The following CTNNA3 variants were observed in gnomAD, a reference collection of about 807,000 sequenced individuals.
CTNNA3 encodes catenin alpha 3, also known as catenin alpha-3.
Under a neutral mutation model 95.7 loss-of-function variants are expected in CTNNA3, and 76 were observed. The observed-to-expected ratio is 0.79, with a 90% CI of 0.66 to 0.96. The LOEUF (loss-of-function observed/expected upper bound fraction) is 0.96. CTNNA3 is among the 40% of genes least tolerant of loss of function. The pLI is 0.00. For missense variants in CTNNA3, 1,191 were observed against 1,089.8 expected, an observed-to-expected ratio of 1.09 and a Z score of -1.31; for synonymous variants, 431 against 374.4, an observed-to-expected ratio of 1.15 and a Z score of -1.74.
intron 11 of CTNNA3, among the ~76,000 whole-genome samples, chr10:66,507,085 C>A (rs1911350): frequency 0.15 from 23,161 of 152,024 alleles, 1,839 homozygotes; most frequent in Non-Finnish European, 0.17. Context: ...CATGGAAAAT[C>A]AATTTATTTT....
At chr10:67,576,000 T>C (rs556595199) in intron 3 of CTNNA3, among the ~76,000 whole-genome samples, 2 of 152,290 alleles carry the variant, frequency 1.3e-5, no homozygotes, top group East Asian at 1.9e-4. Context: ...AAAAGGATTA[T>C]GGTAAATAGT....
At chr10:66,254,697 C>T (rs11818895) in intron 13 of CTNNA3, among the ~76,000 whole-genome samples, 10,665 of 152,248 alleles carry the variant, frequency 0.07, 689 homozygotes, top group African/African-American at 0.17. Context: ...TGGGACTTTA[C>T]TGGGATTTCT....
At chr10:66,781,203 TTTG>T (rs1244064203) in intron 7 of CTNNA3, among the ~76,000 whole-genome samples, 1 of 149,084 alleles carries the variant, frequency 6.7e-6, no homozygotes, top group Non-Finnish European at 1.5e-5. Flanking sequence ...GAAAATGTTT[TTTG>T]TTGTTGTTTT....
chr10:66,122,442 A>G (rs1204229059), intron 13 of CTNNA3, among the ~76,000 whole-genome samples: 1 of 152,228 alleles, frequency 6.6e-6, no homozygotes, highest in Non-Finnish European at 1.5e-5. Flanking sequence ...ATAATGGCTG[A>G]TCGTTTTCAG....
At chr10:66,195,406 T>C (rs2131895828) in intron 13 of CTNNA3, among the ~76,000 whole-genome samples, 1 of 152,316 alleles carries the variant, frequency 6.6e-6, no homozygotes, top group Admixed American at 6.5e-5. Context: ...TTATGAGTAC[T>C]CTCTGATATC....
At chr10:66,611,950 ATCTCAAGTT>A (rs1844343356) in intron 10 of CTNNA3, among the ~76,000 whole-genome samples, 1 of 152,154 alleles carries the variant, frequency 6.6e-6, no homozygotes, top group Non-Finnish European at 1.5e-5. Flanking sequence ...TAGTGGTGAC[ATCTCAAGTT>A]CTTGTAGTTT....
At chr10:66,833,224 G>A (rs756781390) in intron 7 of CTNNA3, among the ~76,000 whole-genome samples, 1 of 152,164 alleles carries the variant, frequency 6.6e-6, no homozygotes, top group African/African-American at 2.4e-5. Context: ...AGGTCACAGT[G>A]AGGACACTGA....
intron 7 of CTNNA3, among the ~76,000 whole-genome samples, chr10:67,087,152 C>G (rs1857354175): frequency 6.6e-6 from 1 of 152,106 alleles, no homozygotes; most frequent in East Asian, 1.9e-4. Flanking sequence ...GAAAGATTTA[C>G]ATGTAAATGA....
At chr10:66,829,605 T>A (rs1589302505) in intron 7 of CTNNA3, among the ~76,000 whole-genome samples, 1 of 112,052 alleles carries the variant, frequency 8.9e-6, no homozygotes, top group East Asian at 2.4e-4. Flanking sequence ...GGAGTGAGAC[T>A]CTGTCTCAAA....
At chr10:66,139,294 G>A (rs1293753373) in intron 13 of CTNNA3, among the ~76,000 whole-genome samples, 2 of 152,024 alleles carry the variant, frequency 1.3e-5, no homozygotes. Context: ...TCCCACCCAA[G>A]GCTATAAATT....
intron 9 of CTNNA3, among the ~76,000 whole-genome samples, chr10:66,727,544 G>A (rs1286012749): frequency 1.3e-5 from 2 of 152,062 alleles, no homozygotes; most frequent in Non-Finnish European, 1.5e-5. Flanking sequence ...CAATAACCCA[G>A]TTGTCCCATT....
At chr10:66,835,084 A>G (rs1190545204) in intron 7 of CTNNA3, among the ~76,000 whole-genome samples, 1 of 152,176 alleles carries the variant, frequency 6.6e-6, no homozygotes, top group African/African-American at 2.4e-5. Flanking sequence ...TAAGACAAGG[A>G]AGACAAATGA....
chr10:66,883,701 T>C (rs979071646), intron 7 of CTNNA3, among the ~76,000 whole-genome samples: 6 of 152,150 alleles, frequency 3.9e-5, no homozygotes, highest in African/African-American at 1.2e-4. Context: ...GGCTGCCTGC[T>C]CTTTTTTCAT....
intron 5 of CTNNA3, among the ~76,000 whole-genome samples, chr10:67,390,335 C>T (rs1272022843): frequency 6.6e-6 from 1 of 152,192 alleles, no homozygotes; most frequent in African/African-American, 2.4e-5. Flanking sequence ...GACACATACA[C>T]TCTCCCAAGA....
intron 9 of CTNNA3, among the ~76,000 whole-genome samples, chr10:66,710,786 G>T (rs982155032): frequency 6.6e-6 from 1 of 151,848 alleles, no homozygotes; most frequent in Admixed American, 6.6e-5. Flanking sequence ...TTTGAGGAAA[G>T]AATTAAACTC....
At chr10:66,373,482 G>C (rs2092769228) in intron 12 of CTNNA3, among the ~76,000 whole-genome samples, 1 of 152,042 alleles carries the variant, frequency 6.6e-6, no homozygotes, top group South Asian at 2.1e-4. Flanking sequence ...CTTCTTTAGA[G>C]AGGCTGAGTT....
At chr10:66,303,312 A>G (rs1248879704) in intron 12 of CTNNA3, among the ~76,000 whole-genome samples, 3 of 152,152 alleles carry the variant, frequency 2.0e-5, no homozygotes, top group Admixed American at 2.0e-4. Context: ...GGAAGAAAAA[A>G]AAGAAACAAT....
At chr10:66,798,728 G>A (rs1237558137) in intron 7 of CTNNA3, among the ~76,000 whole-genome samples, 1 of 151,624 alleles carries the variant, frequency 6.6e-6, no homozygotes. Flanking sequence ...TCAGTATATA[G>A]TGAGTATTGG....
chr10:67,493,465 G>A (rs1263966106), intron 5 of CTNNA3, among the ~76,000 whole-genome samples: 2 of 151,878 alleles, frequency 1.3e-5, no homozygotes, highest in African/African-American at 4.8e-5. Context: ...GGGAGGCTGA[G>A]GCAGGGGAAT....
Sources: allele counts gnomAD v4.1 joint callset (sites outside exome capture counted in the v4.1 genomes callset), GRCh38; gene constraint gnomAD v4.1.1; transcripts MANE v1.5; gene names NCBI Gene and HGNC (gene_info 2026-07-23, HGNC 2026-07-21).